The following TCF4 variants were observed in gnomAD, a reference collection of about 807,000 sequenced individuals.
TCF4 encodes SL3-3 enhancer factor 2.
A neutral mutation model predicts 82.1 loss-of-function variants in TCF4; 3 were observed. The ratio of observed to expected loss-of-function variants is 0.04; its 90% confidence interval spans 0.02 to 0.09. TCF4 has a LOEUF of 0.09. TCF4 is among the 10% of genes least tolerant of loss of function. TCF4 has a pLI of 1.00. For synonymous variants in TCF4, 276 were observed against 309.6 expected (o/e 0.89, Z 1.14); for missense variants, 518 against 852.7 (o/e 0.61, Z 4.89).
chr18:55,397,312 T>C (rs2093558010), intron 6 of TCF4, among the ~76,000 whole-genome samples: 2 of 152,182 alleles, frequency 1.3e-5, no homozygotes, highest in African/African-American at 4.8e-5. Context: ...TTTAAATTTG[T>C]AGGCAAAACA....
intron 5 of TCF4, among the ~76,000 whole-genome samples, chr18:55,445,916 T>A (rs923837377): frequency 6.6e-6 from 1 of 152,152 alleles, no homozygotes; most frequent in Non-Finnish European, 1.5e-5. Context: ...AACTCCCTCC[T>A]CCCTTGCCTG....
rs567273219 is a variant in TCF4, at chr18:55,600,060, T to A, written c.287-12924A>T. ...CCTGTAGGAGAAGGCTGTTTTTTTTTATTGCTGTGTAATACTCCATTGTAG... is the reference window on the plus strand; with the variant it reads ...CCTGTAGGAGAAGGCTGTTTTTTTTAATTGCTGTGTAATACTCCATTGTAG... On this transcript the variant is annotated intron_variant, in intron 2 of 20. Transcript: ENST00000398339. Among the ~76,000 whole-genome samples, 15 of 152,328 alleles carry A rather than the reference T, an allele frequency of 9.8e-5. No individual in the cohort carries two copies. The South Asian group carries it at 2.3e-3, about 23-fold the overall frequency.
chr18:55,503,466 A>G (rs527272801), intron 3 of TCF4, among the ~76,000 whole-genome samples: 4 of 152,204 alleles, frequency 2.6e-5, no homozygotes, highest in Non-Finnish European at 4.4e-5. Context: ...AAGGCCAAAC[A>G]GGCATACTCC....
chr18:55,252,368 G>A (rs924722357), intron 15 of TCF4, among the ~76,000 whole-genome samples: 5 of 151,946 alleles, frequency 3.3e-5, no homozygotes, highest in African/African-American at 9.7e-5. Context: ...TTGTGTGTGT[G>A]TGTGTGTGTG....
chr18:55,632,711 A>G (rs956859502), intron 1 of TCF4, among the ~76,000 whole-genome samples: 2 of 152,260 alleles, frequency 1.3e-5, no homozygotes, highest in Admixed American at 1.3e-4. Context: ...TTTAAAAACT[A>G]CATATTAGTT....
At chr18:55,283,163 C>G (rs1362382579) in intron 8 of TCF4, among the ~76,000 whole-genome samples, 3 of 151,046 alleles carry the variant, frequency 2.0e-5, no homozygotes, top group African/African-American at 7.3e-5. Flanking sequence ...CCAAAGTAAA[C>G]AAAAATGTTT....
intron 3 of TCF4, chr18:55,553,306 C>T (rs889834353): frequency 6.6e-6 from 1 of 152,124 alleles, no homozygotes; most frequent in Non-Finnish European, 1.5e-5. Context: ...CATCAAGACT[C>T]TCAGAGTACT....
rs143292885 is a variant in TCF4, at chr18:55,484,253, T to C, written c.146-20116A>G. Among the ~76,000 whole-genome samples, 103 of 152,358 alleles carry C rather than the reference T, an allele frequency of 6.8e-4. 1 individual carries two copies. Among genetic ancestry groups the C allele is most frequent in the African/African-American group, 2.4e-3 (99 of 41,584 alleles). On this transcript the variant is annotated intron_variant, in intron 3 of 19. Transcript: ENST00000354452. ...AATTTCCTAATTATAAGGGCTTTTC[T>C]TTTGGGTTAAATATGCCCCACAGAA...
At chr18:55,337,984 T>C (rs2147895993) in intron 8 of TCF4, among the ~76,000 whole-genome samples, 1 of 152,032 alleles carries the variant, frequency 6.6e-6, no homozygotes, top group East Asian at 1.9e-4. Context: ...TCTACGGCTC[T>C]TCCTAGGGCA....
chr18:55,274,325 T>TA (rs2061024148), intron 10 of TCF4, among the ~76,000 whole-genome samples: 3 of 152,202 alleles, frequency 2.0e-5, no homozygotes, highest in Admixed American at 1.3e-4. Context: ...GTTTGTGATT[T>TA]ACACATTCAA....
chr18:55,587,972 C>T, intron 1 of TCF4, 66 bp downstream of exon 1: 1 of 958,548 alleles, frequency 1.0e-6, no homozygotes, highest in Non-Finnish European at 1.2e-6. Flanking sequence ...TGCGGGGCCG[C>T]CGAGCCCGAA....
At position 55,419,809 on chromosome 18, in the gene TCF4, G is replaced by A. The variant is rs561184235; in HGVS notation, c.305-16291C>T. On this transcript the variant is annotated intron_variant, in intron 5 of 19. Coordinates refer to ENST00000354452, the MANE Select transcript of TCF4 (RefSeq NM_001083962.2). ...CCCAACCAATGGGAAAGTTTGCAAGGGAAATATGAGAAGCGACTGAACGGG... is the reference window on the plus strand; with the variant it reads ...CCCAACCAATGGGAAAGTTTGCAAGAGAAATATGAGAAGCGACTGAACGGG... 4.3e-4 allele frequency among the ~76,000 whole-genome samples: 66 copies of A among 152,292 alleles called. 1 individual carries two copies. The highest frequency in any genetic ancestry group is 1.6e-3 in the African/African-American group (65 of 41,556).
intron 1 of TCF4, among the ~76,000 whole-genome samples, chr18:55,632,101 C>G (rs112311990): frequency 2.6e-5 from 4 of 152,108 alleles, no homozygotes; most frequent in Admixed American, 1.3e-4. Context: ...TGCAGTGGCA[C>G]GATCTCGGCT....
intron 3 of TCF4, chr18:55,482,230 T>C (rs887782261): frequency 4.6e-5 from 7 of 152,216 alleles, no homozygotes; most frequent in South Asian, 2.1e-4. Context: ...TGCTTCCTCA[T>C]TGACTTTCAA....
chr18:55,376,489 A>C (rs1390601374), intron 6 of TCF4, among the ~76,000 whole-genome samples: 1 of 152,186 alleles, frequency 6.6e-6, no homozygotes, highest in African/African-American at 2.4e-5. Flanking sequence ...TAGAATCCAG[A>C]GTCTGACCTC....
Position 55,234,691 on chromosome 18 carries a change from G to A in TCF4, c.1351-8C>T. 6.2e-7 allele frequency: 1 copy of A among 1,614,098 alleles called. No homozygotes were observed. Among genetic ancestry groups the A allele is most frequent in the Non-Finnish European group, 8.5e-7 (1 of 1,180,010 alleles). ...TTCACGATGGGTCCCCACCTGAAAG[G>A]GCGAGAGGAACCAGAGAGGTGAGCA... On this transcript the variant is annotated splice_polypyrimidine_tract_variant and splice_region_variant and intron_variant, in intron 15 of 19. Transcript: ENST00000354452.
chr18:55,446,546 C>A (rs1010654683), intron 5 of TCF4, among the ~76,000 whole-genome samples: 3 of 152,136 alleles, frequency 2.0e-5, no homozygotes, highest in African/African-American at 7.2e-5. Context: ...CAACACTGGG[C>A]AAATAACCTA....
At chr18:55,616,025 G>T (rs1466911407) in intron 2 of TCF4, among the ~76,000 whole-genome samples, 1 of 151,944 alleles carries the variant, frequency 6.6e-6, no homozygotes, top group African/African-American at 2.4e-5. Flanking sequence ...GTTTTTCAGT[G>T]CACATAGAGT....
rs143946433 is a variant in TCF4, at chr18:55,353,634, G to A, written c.370-2631C>T. 3.4e-4 allele frequency among the ~76,000 whole-genome samples: 52 copies of A among 152,188 alleles called. No individual in the cohort carries two copies. In the East Asian group the frequency reaches 5.0e-3, roughly 15 times the overall value. On this transcript the variant is annotated intron_variant, in intron 6 of 19. Transcript: ENST00000354452. Reference sequence around the variant, plus strand: ...TTATTGTAGAGTATACTTATAAAGCGAACAATGACCATTTACTATTGTCTG... The same window carrying A: ...TTATTGTAGAGTATACTTATAAAGCAAACAATGACCATTTACTATTGTCTG...
Sources: allele counts gnomAD v4.1 joint callset (sites outside exome capture counted in the v4.1 genomes callset), GRCh38; gene constraint gnomAD v4.1.1; transcripts MANE v1.5; gene names NCBI Gene and HGNC (gene_info 2026-07-23, HGNC 2026-07-21).